The following XYLB variants were observed in gnomAD, a reference collection of about 807,000 sequenced individuals.
XYLB encodes xylulokinase, also known as xylulose kinase.
XYLB carries 62 observed loss-of-function variants against 78.7 expected under a neutral mutation model. The ratio of observed to expected loss-of-function variants is 0.79; its 90% confidence interval spans 0.64 to 0.97. XYLB has a LOEUF of 0.97. Among genes scored for constraint, XYLB ranks in the 50% least tolerant of loss-of-function variants. The pLI is 0.00. For synonymous variants in XYLB, 245 were observed against 247.4 expected, an observed-to-expected ratio of 0.99 and a Z score of 0.09; for missense variants, 687 against 676.8, an observed-to-expected ratio of 1.02 and a Z score of -0.17.
chr3:38,383,543 G>T (rs1707245785), intron 15 of XYLB, among the ~76,000 whole-genome samples: 1 of 152,208 alleles, frequency 6.6e-6, no homozygotes, highest in South Asian at 2.1e-4. Flanking sequence ...ACTTTGGGAG[G>T]TGGAGGCGGG....
chr3:38,400,957 C>T lies in XYLB; in HGVS notation c.1505C>T (p.Ala502Val), dbSNP rs1172961216. 6.2e-7 allele frequency: 1 copy of T among 1,614,218 alleles called. No individual in the cohort carries two copies. The highest frequency in any genetic ancestry group is 8.5e-7 in the Non-Finnish European group (1 of 1,180,032). The part of the protein sequence containing the change: ...VVKLAPNPRL[A>V]ATPSPGASQV... ...AAGTTAGCTCCAAATCCCAGACTAG[C>T]TGCTACCCCAAGCCCGGGAGCTTCT... is the stretch of plus-strand genomic sequence containing the variant. Residue 502 changes from alanine (A) to valine (V), a missense_variant, in exon 18 of 19, where the codon GCT (alanine) becomes GTT (valine). Ala to Val is a moderately conservative substitution (Grantham distance 64). Transcript: ENST00000207870.
chr3:38,449,646 T>G, the XYLB span, among the ~76,000 whole-genome samples: 1 of 152,194 alleles, frequency 6.6e-6, no homozygotes, highest in African/African-American at 2.4e-5. Flanking sequence ...TGGTAGAAGT[T>G]TTAAGGGCCA....
the XYLB span, among the ~76,000 whole-genome samples, chr3:38,443,338 G>A: frequency 3.3e-5 from 5 of 152,206 alleles, no homozygotes. Context: ...TTCTGGCCTA[G>A]AGAACATTTG....
the XYLB span, among the ~76,000 whole-genome samples, chr3:38,442,642 G>A: frequency 0.012 from 1,751 of 151,534 alleles, 14 homozygotes; most frequent in Middle Eastern, 0.021. Flanking sequence ...TTATTAATGC[G>A]TCTAAGATCT....
chr3:38,388,473 G>A (rs1007995223), intron 15 of XYLB, among the ~76,000 whole-genome samples: 5 of 152,002 alleles, frequency 3.3e-5, no homozygotes, highest in African/African-American at 1.2e-4. Context: ...TTCAAAACAT[G>A]TTGTATAGGA....
chr3:38,362,913 G>A (rs1706050502), intron 3 of XYLB, 24 bp from the exon 4 acceptor site: 1 of 1,538,420 alleles, frequency 6.5e-7, no homozygotes, highest in African/African-American at 1.4e-5. Context: ...GTACAGTCAT[G>A]GTGGGTTCTG....
In XYLB at chr3:38,400,402, T is replaced by A. The variant is rs186277517; in HGVS notation, c.1439-489T>A. 2.0e-5 allele frequency among the ~76,000 whole-genome samples: 3 copies of A among 152,130 alleles called. No homozygotes were observed. In the East Asian group the frequency reaches 5.8e-4, roughly 29 times the overall value. On this transcript the variant is annotated intron_variant, in intron 17 of 18. Transcript: ENST00000207870. ...GGAGGGCCTCCTGAGCAAGTGATGG[T>A]CTTAGGTGCATCTTAGCTGAGGAGA...
chr3:38,410,455 A>G (rs1708527808), intron 18 of XYLB, among the ~76,000 whole-genome samples: 1 of 152,032 alleles, frequency 6.6e-6, no homozygotes, highest in Non-Finnish European at 1.5e-5. Context: ...AGGCATTACC[A>G]TTCAGGACAG....
chr3:38,412,472 T>C (rs1345724568), intron 18 of XYLB, among the ~76,000 whole-genome samples: 3 of 152,164 alleles, frequency 2.0e-5, no homozygotes, highest in Non-Finnish European at 4.4e-5. Context: ...TAAGTCTGAA[T>C]GTTTAGTGGT....
chr3:38,383,700 G>T (rs1383947610), intron 15 of XYLB, among the ~76,000 whole-genome samples: 1 of 152,116 alleles, frequency 6.6e-6, no homozygotes, highest in Non-Finnish European at 1.5e-5. Context: ...CAGGAGGCCG[G>T]GGGGATCGCT....
At chr3:38,380,124 A>G (rs547755790) in intron 15 of XYLB, among the ~76,000 whole-genome samples, 2 of 152,254 alleles carry the variant, frequency 1.3e-5, no homozygotes, top group East Asian at 3.9e-4. Context: ...TAACCCATGA[A>G]TGGATTAATC....
intron 15 of XYLB, among the ~76,000 whole-genome samples, chr3:38,381,655 C>A (rs1402588313): frequency 6.6e-6 from 1 of 152,190 alleles, no homozygotes; most frequent in African/African-American, 2.4e-5. Flanking sequence ...CTGGGCGTAG[C>A]CTGTCTCTTA....
At position 38,362,951 on chromosome 3, in the gene XYLB, C is replaced by G. The variant is rs1381786333; in HGVS notation, c.225C>G (p.Ile75Met). Reference protein sequence around the residue: ...VLMWVQALDIILEKMKASGFD... With the variant: ...VLMWVQALDIMLEKMKASGFD... ...TTTCTTCTTAGGCACTGGATATCATCTTGGAGAAGATGAAGGCTTCGGGCT... is the reference window on the plus strand; with the variant it reads ...TTTCTTCTTAGGCACTGGATATCATGTTGGAGAAGATGAAGGCTTCGGGCT... Residue 75 changes from isoleucine (I) to methionine (M), a missense_variant, in exon 4 of 19, where the codon ATC (isoleucine) becomes ATG (methionine). By Grantham distance (10) the Ile-to-Met change is conservative (BLOSUM62 1). Transcript: ENST00000207870. The G allele has an allele frequency of 6.3e-7, 1 of 1,582,498 alleles. No homozygotes were observed. The highest frequency in any genetic ancestry group is 8.6e-7 in the Non-Finnish European group (1 of 1,163,252).
chr3:38,442,615 A>G, the XYLB span, among the ~76,000 whole-genome samples: 3 of 151,928 alleles, frequency 2.0e-5, no homozygotes, highest in Non-Finnish European at 4.4e-5. Flanking sequence ...ACAACTGGAT[A>G]TAGAGGAATT....
chr3:38,390,336 C>CAG, intron 15 of XYLB, among the ~76,000 whole-genome samples: 1 of 152,256 alleles, frequency 6.6e-6, no homozygotes, highest in African/African-American at 2.4e-5. Context: ...ACCTCAGCCT[C>CAG]CTGAGTAGCT....
At chr3:38,449,965 G>A in the XYLB span, among the ~76,000 whole-genome samples, 1 of 152,122 alleles carries the variant, frequency 6.6e-6, no homozygotes, top group Admixed American at 6.6e-5. Flanking sequence ...GGGAAAGTAC[G>A]AGGTCTAGGA....
rs568358664 is a variant in XYLB, at chr3:38,409,476, C to A, written c.1534-3460C>A. On this transcript the variant is annotated intron_variant, in intron 18 of 18. Transcript: ENST00000207870. ...GAAGCATTCCCCTTGAAAACTGGCA[C>A]AAGACAGGGATGCCCTCTCTCACCA... Among the ~76,000 whole-genome samples, 4 of 152,274 alleles carry A rather than the reference C, an allele frequency of 2.6e-5. No individual in the cohort carries two copies. The East Asian group carries it at 7.7e-4, about 29-fold the overall frequency.
At chr3:38,360,635 A>G (rs1705917373) in intron 3 of XYLB, among the ~76,000 whole-genome samples, 1 of 152,242 alleles carries the variant, frequency 6.6e-6, no homozygotes, top group South Asian at 2.1e-4. Flanking sequence ...TACTGGAGCT[A>G]CAGCAGATGG....
the XYLB span, among the ~76,000 whole-genome samples, chr3:38,438,717 G>A: frequency 5.9e-5 from 9 of 152,120 alleles, no homozygotes; most frequent in Admixed American, 1.3e-4. Context: ...CTTCCACAGC[G>A]TGGAAGGAAA....
Sources: gnomAD v4.1 joint callset for allele counts (sites outside exome capture counted in the v4.1 genomes callset) on GRCh38, gnomAD v4.1.1 for gene constraint, MANE v1.5 for transcripts, NCBI Gene and HGNC (gene_info 2026-07-23, HGNC 2026-07-21) for gene names.